The following UBR3 variants were observed in gnomAD, a reference collection of about 807,000 sequenced individuals.
UBR3 encodes ubiquitin protein ligase E3 component n-recognin 3.
A neutral mutation model predicts 243.2 loss-of-function variants in UBR3; 85 were observed. That is an observed-to-expected ratio of 0.35 (90% confidence interval 0.29 to 0.42). The LOEUF is 0.42. Among genes scored for constraint, UBR3 ranks in the 10% least tolerant of loss-of-function variants. UBR3 has a pLI of 1.00. For missense variants in UBR3, 1,686 were observed against 2,300.8 expected (o/e 0.73, Z 5.47); for synonymous variants, 748 against 799.8 (o/e 0.94, Z 1.09).
At position 170,082,672 on chromosome 2, in the gene UBR3, G is replaced by A. The variant is rs2091925163; in HGVS notation, c.*829G>A. 1.3e-5 allele frequency: 2 copies of A among 152,524 alleles called. No individual in the cohort carries two copies. The highest frequency in any genetic ancestry group is 1.5e-5 in the Non-Finnish European group (1 of 68,016). 9.4% of individuals were successfully genotyped at this position (152,524 alleles called of 1,614,324 possible). ...TACACTGGGCAGATGTTGATTCCGT[G>A]CATGCCCACCTTTTATTACCAAACA... is the stretch of plus-strand genomic sequence containing the variant. On this transcript the variant is annotated 3_prime_UTR_variant, in exon 39 of 39. Transcript: ENST00000272793.
rs955064099 is a variant in UBR3, at chr2:169,842,100, G to A, written c.545+14048G>A. 5.9e-5 allele frequency among the ~76,000 whole-genome samples: 9 copies of A among 152,012 alleles called. 1 individual carries two copies. Among genetic ancestry groups the A allele is most frequent in the South Asian group, 2.1e-4 (1 of 4,824 alleles). ...CTCAAGGTTTGTGAGTGCACCAATC[G>A]ACACTCTGTATCTAGCTGCTCTGGT... On this transcript the variant is annotated intron_variant, in intron 1 of 38. Transcript: ENST00000272793.
intron 28 of UBR3, among the ~76,000 whole-genome samples, chr2:170,007,523 T>C (rs1363310641): frequency 1.3e-5 from 2 of 152,064 alleles, no homozygotes; most frequent in East Asian, 3.9e-4. Flanking sequence ...TTTGGGAGGC[T>C]GAGGTGGACA....
chr2:170,002,513 A>G (rs911959312), intron 27 of UBR3, among the ~76,000 whole-genome samples: 1 of 152,060 alleles, frequency 6.6e-6, no homozygotes, highest in Non-Finnish European at 1.5e-5. Context: ...TTAGATTCCT[A>G]TCTTGCTTTT....
Position 169,989,322 on chromosome 2 carries a change from G to T in UBR3, c.3784+2528G>T, listed in dbSNP as rs545380077. 4.6e-5 allele frequency among the ~76,000 whole-genome samples: 7 copies of T among 152,072 alleles called. No individual in the cohort carries two copies. In the South Asian group the frequency reaches 1.2e-3, roughly 27 times the overall value. On this transcript the variant is annotated intron_variant, in intron 25 of 38. Coordinates refer to ENST00000272793, the MANE Select transcript of UBR3 (RefSeq NM_172070.4). Reference sequence around the variant, plus strand: ...TATTTTGCTTAATTTATTTATAGTTGCAGTATTCCTTTGTGGTCTTTTAAT... The same window carrying T: ...TATTTTGCTTAATTTATTTATAGTTTCAGTATTCCTTTGTGGTCTTTTAAT...
intron 24 of UBR3, 108 bp downstream of exon 24, chr2:169,958,634 AGTG>A (rs2087423092): frequency 1.0e-6 from 1 of 963,434 alleles, no homozygotes; most frequent in Non-Finnish European, 1.5e-6. Flanking sequence ...TTTGATTTCT[AGTG>A]TTTATTTGGT....
intron 6 of UBR3, 144 bp downstream of exon 6, chr2:169,891,375 C>G (rs2084368425): frequency 1.8e-6 from 1 of 552,752 alleles, no homozygotes; most frequent in African/African-American, 1.9e-5. Flanking sequence ...TCTAATAAGT[C>G]TTGGAGAAAG....
intron 31 of UBR3, among the ~76,000 whole-genome samples, chr2:170,032,775 A>G (rs1054353490): frequency 3.3e-5 from 5 of 151,738 alleles, no homozygotes; most frequent in Admixed American, 3.3e-4. Context: ...TTATCTTGTT[A>G]CTGATGATCA....
At chr2:170,061,678 G>C (rs186829728) in intron 35 of UBR3, among the ~76,000 whole-genome samples, 122 of 152,242 alleles carry the variant, frequency 8.0e-4, no homozygotes, top group South Asian at 2.5e-3. Flanking sequence ...ACATTGGCCA[G>C]GCTGGTCTCA....
chr2:170,021,850 T>C (rs2090399812), intron 30 of UBR3, among the ~76,000 whole-genome samples: 1 of 152,206 alleles, frequency 6.6e-6, no homozygotes, highest in African/African-American at 2.4e-5. Flanking sequence ...GTGACTTAAG[T>C]AGCCAGGCCT....
intron 16 of UBR3, 103 bp from the exon 17 acceptor site, chr2:169,927,217 C>A: frequency 1.8e-6 from 2 of 1,111,748 alleles, no homozygotes; most frequent in South Asian, 1.7e-5. Flanking sequence ...TAATTTGAAG[C>A]ATCTTATATT....
intron 29 of UBR3, among the ~76,000 whole-genome samples, chr2:170,009,576 G>C (rs774948686): frequency 7.9e-5 from 12 of 152,086 alleles, no homozygotes; most frequent in Non-Finnish European, 1.6e-4. Context: ...GAAAACTTGA[G>C]TGAAAATGCA....
chr2:169,972,028 TAAAG>T (rs2088177922), intron 24 of UBR3, among the ~76,000 whole-genome samples: 1 of 151,484 alleles, frequency 6.6e-6, no homozygotes. Flanking sequence ...GCAAGACTAA[TAAAG>T]AAGAAAAGAG....
At chr2:169,895,715 TG>T (rs1047398503) in intron 7 of UBR3, among the ~76,000 whole-genome samples, 12 of 152,112 alleles carry the variant, frequency 7.9e-5, no homozygotes, top group African/African-American at 2.7e-4. Flanking sequence ...GGGAAAAGCA[TG>T]GGTTGAAAAG....
chr2:170,042,116 A>G (rs1023350075), intron 32 of UBR3, among the ~76,000 whole-genome samples: 1 of 152,106 alleles, frequency 6.6e-6, no homozygotes, highest in Non-Finnish European at 1.5e-5. Flanking sequence ...TTAAGCAGTC[A>G]TTTTCTTATT....
chr2:170,017,498 C>T (rs73019533), intron 30 of UBR3, among the ~76,000 whole-genome samples: 6,454 of 148,396 alleles, frequency 0.043, 155 homozygotes, highest in Middle Eastern at 0.061. Context: ...GAGAGGATTG[C>T]GTAATGCCTG....
intron 35 of UBR3, among the ~76,000 whole-genome samples, chr2:170,066,214 A>G (rs1451899615): frequency 6.6e-6 from 1 of 152,194 alleles, no homozygotes; most frequent in African/African-American, 2.4e-5. Flanking sequence ...ATGTTCTAAC[A>G]CAGCAAGCTT....
chr2:169,858,685 T>C (rs896995014), intron 1 of UBR3, among the ~76,000 whole-genome samples: 3 of 152,092 alleles, frequency 2.0e-5, no homozygotes, highest in Non-Finnish European at 4.4e-5. Flanking sequence ...CTACAACTTT[T>C]GCCTCCCAGC....
At chr2:169,990,339 GC>G (rs1356898038) in intron 25 of UBR3, among the ~76,000 whole-genome samples, 12 of 152,024 alleles carry the variant, frequency 7.9e-5, no homozygotes, top group Admixed American at 7.2e-4. Context: ...GATTTGGGGA[GC>G]TTCAGTTCTC....
rs2081791446 is a variant in UBR3, at chr2:169,827,761, C to A, written c.254C>A (p.Ala85Glu). ...GCCGGAGGCGGGGGCGGTCCGGGGG[C>A]GGCCGAGGAGGAGGCCCTGGAGTGG... ...AAAGGGGGPG[A>E]AEEEALEWCK... is the part of the protein sequence containing the mutation. Residue 85 changes from alanine (A) to glutamate (E), a missense_variant, in exon 1 of 39, where the codon GCG (alanine) becomes GAG (glutamate). By Grantham distance (107) the Ala-to-Glu change is moderately radical. Transcript: ENST00000272793. The A allele has an allele frequency of 1.5e-6, 2 of 1,292,752 alleles. No individual in the cohort carries two copies. The highest frequency in any genetic ancestry group is 5.2e-5 in the South Asian group (2 of 38,448). 80.1% of individuals were successfully genotyped at this position (1,292,752 alleles called of 1,614,324 possible). A position where few individuals can be genotyped will look rare whatever the true frequency, so the allele number is the denominator to read the frequency against.
Sources: allele counts gnomAD v4.1 joint callset (sites outside exome capture counted in the v4.1 genomes callset), GRCh38; gene constraint gnomAD v4.1.1; transcripts MANE v1.5; gene names NCBI Gene and HGNC (gene_info 2026-07-23, HGNC 2026-07-21).